CDKN2B-AS1: variants seen among roughly 807,000 people sequenced by gnomAD.
CDKN2B-AS1 encodes the protein CDKN2B and CDKN2A antisense cis and trans regulatory RNA 1.
intron 4 of CDKN2B-AS1, among the ~76,000 whole-genome samples, chr9:22,088,483 G>A (rs1281995204): frequency 1.3e-5 from 2 of 151,868 alleles, no homozygotes; most frequent in Non-Finnish European, 2.9e-5. Flanking sequence ...GCCACAGAAG[G>A]TCAGTAGGTT....
At chr9:22,057,653 C>A (rs1042311801) in intron 4 of CDKN2B-AS1, among the ~76,000 whole-genome samples, 1 of 151,852 alleles carries the variant, frequency 6.6e-6, no homozygotes. Context: ...CTACAAAATA[C>A]AAAAATTAGC....
At chr9:22,097,611 C>T (rs776665006) in intron 4 of CDKN2B-AS1, among the ~76,000 whole-genome samples, 10 of 152,172 alleles carry the variant, frequency 6.6e-5, no homozygotes, top group Non-Finnish European at 1.3e-4. Context: ...AGTGCAAATC[C>T]TATTCTGTAC....
intron 4 of CDKN2B-AS1, among the ~76,000 whole-genome samples, chr9:22,095,277 G>T (rs1159039375): frequency 2.8e-5 from 4 of 144,790 alleles, no homozygotes; most frequent in Non-Finnish European, 5.9e-5. Flanking sequence ...ACCTGAGGAG[G>T]CAGTCTGTCC....
At chr9:22,030,258 G>A (rs1822414141) in intron 1 of CDKN2B-AS1, 1 of 152,098 alleles carries the variant, frequency 6.6e-6, no homozygotes, top group African/African-American at 2.4e-5. Context: ...AATTATCATT[G>A]GCGTGGAGGT....
intron 1 of CDKN2B-AS1, among the ~76,000 whole-genome samples, chr9:22,034,936 CCATT>C (rs1822626213): frequency 2.0e-5 from 3 of 152,072 alleles, no homozygotes; most frequent in African/African-American, 7.2e-5. Flanking sequence ...TATGGCTGTG[CCATT>C]CTAGTTGGGT....
intron 1 of CDKN2B-AS1, chr9:22,012,326 G>C: frequency 6.9e-7 from 1 of 1,448,118 alleles, no homozygotes; most frequent in Non-Finnish European, 9.7e-7. Context: ...CACTCTCTCA[G>C]ACTACAACGT....
intron 4 of CDKN2B-AS1, among the ~76,000 whole-genome samples, chr9:22,063,239 T>A (rs1030813635): frequency 1.3e-5 from 2 of 152,062 alleles, no homozygotes; most frequent in African/African-American, 2.4e-5. Flanking sequence ...TCTGAGAACT[T>A]TGCTATTTAG....
chr9:22,027,633 A>G (rs1467956965), intron 1 of CDKN2B-AS1, among the ~76,000 whole-genome samples: 1 of 152,204 alleles, frequency 6.6e-6, no homozygotes, highest in African/African-American at 2.4e-5. Flanking sequence ...TGATTTATCC[A>G]ATTTATCAAA....
chr9:22,056,815 A>G (rs867213502), intron 4 of CDKN2B-AS1, among the ~76,000 whole-genome samples: 1 of 152,218 alleles, frequency 6.6e-6, no homozygotes, highest in African/African-American at 2.4e-5. Context: ...TCCGGATTGT[A>G]TATAAAACTG....
intron 1 of CDKN2B-AS1, among the ~76,000 whole-genome samples, chr9:22,009,568 C>A (rs1023454051): frequency 4.6e-5 from 7 of 152,266 alleles, no homozygotes; most frequent in Non-Finnish European, 8.8e-5. Context: ...ATGTTCACCA[C>A]TGCCCTCAGC....
chr9:22,066,375 T>A (rs1466271739), intron 4 of CDKN2B-AS1: 1 of 151,844 alleles, frequency 6.6e-6, no homozygotes, highest in Non-Finnish European at 1.5e-5. Context: ...AATTTTTTTT[T>A]GTAGATAGAG....
intron 4 of CDKN2B-AS1, among the ~76,000 whole-genome samples, chr9:22,106,101 G>A (rs879530588): frequency 2.0e-5 from 3 of 151,484 alleles, no homozygotes; most frequent in Non-Finnish European, 4.4e-5. Flanking sequence ...TTTCTTTTTC[G>A]AGACCGTGTC....
intron 1 of CDKN2B-AS1, among the ~76,000 whole-genome samples, chr9:22,002,303 C>G (rs1173014869): frequency 6.6e-6 from 1 of 151,940 alleles, no homozygotes; most frequent in Non-Finnish European, 1.5e-5. Flanking sequence ...GATAATGTCT[C>G]TAAGTTTTGC....
intron 3 of CDKN2B-AS1, among the ~76,000 whole-genome samples, chr9:22,053,868 A>T (rs1823452335): frequency 6.6e-6 from 1 of 152,192 alleles, no homozygotes; most frequent in East Asian, 1.9e-4. Context: ...ATCGAAGGAA[A>T]AAATAAGGAT....
intron 4 of CDKN2B-AS1, among the ~76,000 whole-genome samples, chr9:22,099,780 T>C (rs1281731009): frequency 3.3e-5 from 5 of 152,158 alleles, no homozygotes; most frequent in Admixed American, 2.6e-4. Flanking sequence ...ATATTCAGTA[T>C]GCCACAAGTT....
Position 22,005,788 on chromosome 9 carries a change from G to A in CDKN2B-AS1, n.29+10627G>A. 1 of 666,072 alleles carries A rather than the reference G, an allele frequency of 1.5e-6. No individual in the cohort carries two copies. The highest frequency in any genetic ancestry group is 1.8e-5 in the South Asian group (1 of 55,470). 41.3% of individuals were successfully genotyped at this position (666,072 alleles called of 1,614,324 possible). The stretch of plus-strand genomic sequence containing the variant: ...TGTGTTTCGCTTCATGGTGAGTGTC[G>A]AGGGCCAGATAAGACAAAGAAAAAA... On this transcript the variant is annotated intron_variant and non_coding_transcript_variant, in intron 1 of 4. Coordinates refer to ENST00000650946, the Ensembl canonical transcript of CDKN2B-AS1. This position sits in a 1 kb window ranked among gnomAD's most constrained non-coding sequence, Gnocchi z 4.9.
rs1822803515 is a variant in CDKN2B-AS1, at chr9:22,039,104, G to A, written n.30-7647G>A. Among the ~76,000 whole-genome samples, 1 of 151,802 alleles carries A rather than the reference G, an allele frequency of 6.6e-6. No homozygotes were observed. Among genetic ancestry groups the A allele is most frequent in the African/African-American group, 2.4e-5 (1 of 41,342 alleles). Reference sequence around the variant, plus strand: ...AAATTTCTTTACTAAATAACTCTAGGGAACAGTACCTTAAAAATATTCAAA... The same window carrying A: ...AAATTTCTTTACTAAATAACTCTAGAGAACAGTACCTTAAAAATATTCAAA... On this transcript the variant is annotated intron_variant and non_coding_transcript_variant, in intron 1 of 4. Coordinates refer to ENST00000650946, the Ensembl canonical transcript of CDKN2B-AS1. The surrounding 1 kb of genome is among the most constrained non-coding windows in gnomAD (Gnocchi z 4.4).
At chr9:22,115,709 T>G (rs576877036) in intron 4 of CDKN2B-AS1, among the ~76,000 whole-genome samples, 1 of 152,234 alleles carries the variant, frequency 6.6e-6, no homozygotes, top group East Asian at 1.9e-4. Flanking sequence ...CATTTCTATG[T>G]GATTATCAGC....
In CDKN2B-AS1 at chr9:21,996,504, A is replaced by G. The variant is rs1820693576; in HGVS notation, n.29+1343A>G. ...CTTCCTCAGAAATGCTTCCCTTTTC[A>G]GGCACCCTCATACCACCGTGATTTT... On this transcript the variant is annotated intron_variant and non_coding_transcript_variant, in intron 1 of 4. Transcript: ENST00000650946. This position sits in a 1 kb window ranked among gnomAD's most constrained non-coding sequence, Gnocchi z 5.4. Among the ~76,000 whole-genome samples the G allele has an allele frequency of 1.3e-5, 2 of 152,018 alleles. No individual in the cohort carries two copies. The highest frequency in any genetic ancestry group is 4.8e-5 in the African/African-American group (2 of 41,358).
Sources: gnomAD v4.1 joint callset for allele counts (sites outside exome capture counted in the v4.1 genomes callset) on GRCh38, gnomAD v4.1.1 for gene constraint, Gnocchi (gnomAD v3.1) non-coding constraint, MANE v1.5 for transcripts, NCBI Gene and HGNC (gene_info 2026-07-23, HGNC 2026-07-21) for gene names.